Variants in SREK1IP1 observed in about 807,000 individuals in gnomAD.
The protein encoded by SREK1IP1 is protein SREK1IP1.
A neutral mutation model predicts 22.8 loss-of-function variants in SREK1IP1; 12 were observed. The ratio of observed to expected loss-of-function variants is 0.53; its 90% CI spans 0.34 to 0.85. The LOEUF is 0.85. Among genes scored for constraint, SREK1IP1 ranks in the 40% least tolerant of loss-of-function variants. The pLI, the probability that SREK1IP1 is intolerant of heterozygous loss-of-function variation, is 0.02. For synonymous variants in SREK1IP1, 53 were observed against 52.7 expected (o/e 1.01, Z -0.02); for missense variants, 147 against 171.8 (o/e 0.86, Z 0.81).
chr5:64,736,862 G>C (rs1273040074), intron 3 of SREK1IP1, among the ~76,000 whole-genome samples: 1 of 150,766 alleles, frequency 6.6e-6, no homozygotes, highest in Non-Finnish European at 1.5e-5. Flanking sequence ...AAATCTACTT[G>C]GTCTGACATT....
chr5:64,724,323 G>T lies in SREK1IP1; in HGVS notation c.*61C>A. ...AGCATAATATATAGCAAATTCCAAG[G>T]AAGGGCAAACACGTTTTAAAAACAA... On this transcript the variant is annotated 3_prime_UTR_variant, in exon 5 of 5. Coordinates refer to ENST00000513458, the MANE Select transcript of SREK1IP1 (RefSeq NM_173829.4). 1 of 1,405,478 alleles carries T rather than the reference G, an allele frequency of 7.1e-7. No homozygotes were observed. Among genetic ancestry groups the T allele is most frequent in the Non-Finnish European group, 9.6e-7 (1 of 1,046,356 alleles). The allele number at this position is 1,405,478 out of a possible 1,614,324, so 87.1% of individuals were successfully genotyped here. A position where few individuals can be genotyped will look rare whatever the true frequency, so the allele number is the denominator to read the frequency against.
chr5:64,766,368 T>C (rs1465189129), intron 1 of SREK1IP1, among the ~76,000 whole-genome samples: 1 of 152,036 alleles, frequency 6.6e-6, no homozygotes, highest in African/African-American at 2.4e-5. Context: ...TAAACCTCAT[T>C]TCCTCTTTTA....
At chr5:64,741,827 T>C (rs1020671812) in intron 2 of SREK1IP1, among the ~76,000 whole-genome samples, 1 of 152,094 alleles carries the variant, frequency 6.6e-6, no homozygotes, top group African/African-American at 2.4e-5. Flanking sequence ...AAGAAAATAA[T>C]ATAACCAATA....
chr5:64,740,972 T>C, intron 3 of SREK1IP1, 85 bp downstream of exon 3: 1 of 1,237,012 alleles, frequency 8.1e-7, no homozygotes, highest in Non-Finnish European at 1.1e-6. Flanking sequence ...ATAAAAGAGA[T>C]CTTAGTAAGT....
chr5:64,735,235 A>G lies in SREK1IP1; in HGVS notation c.205+5822T>C, dbSNP rs1742442037. ...TATAAAACAAATGTATTCCTGAAAT[A>G]AAACCAACTTAGTCATATTATACTT... On this transcript the variant is annotated intron_variant, in intron 3 of 4. Transcript: ENST00000513458. Among the ~76,000 whole-genome samples the G allele has an allele frequency of 1.3e-5, 2 of 152,036 alleles. 1 individual carries two copies. Among genetic ancestry groups the G allele is most frequent in the South Asian group, 4.1e-4 (2 of 4,830 alleles).
At chr5:64,724,867 A>G (rs1742236434) in intron 4 of SREK1IP1, among the ~76,000 whole-genome samples, 1 of 152,164 alleles carries the variant, frequency 6.6e-6, no homozygotes, top group African/African-American at 2.4e-5. Context: ...TCATGCAGTC[A>G]TATCATTCAA....
At chr5:64,728,078 T>G (rs777992431) in intron 4 of SREK1IP1, 29 bp downstream of exon 4, 12 of 1,332,368 alleles carry the variant, frequency 9.0e-6, no homozygotes, top group Non-Finnish European at 9.7e-7. Flanking sequence ...AGGCCTGCTT[T>G]GTTTTTTAAA....
intron 1 of SREK1IP1, among the ~76,000 whole-genome samples, chr5:64,756,361 T>C (rs1187274175): frequency 6.6e-6 from 1 of 152,222 alleles, no homozygotes; most frequent in African/African-American, 2.4e-5. Context: ...TTCTACTTTC[T>C]GTCTCTATGA....
At position 64,728,159 on chromosome 5, in the gene SREK1IP1, T is replaced by G; in HGVS notation, c.226A>C (p.Lys76Gln). Reference protein sequence around the residue: ...QEKRINEEEEKKKEKSKEKIK... With the variant: ...QEKRINEEEEQKKEKSKEKIK... The stretch of plus-strand genomic sequence containing the variant: ...TTTTCTTTGCTTTTTTCTTTCTTCT[T>G]TTCCTCTTCTTCATTTATTCCTGTG... The change falls in exon 4 of 5, where the codon AAG (lysine) becomes CAG (glutamine). Residue 76 changes from lysine to glutamine, a missense_variant. Physicochemically the swap from Lys to Gln is moderately conservative, Grantham distance 53. Around this residue, in one of 3 missense-constraint regions of SREK1IP1, gnomAD observed 82 missense variants for 81.7 expected, o/e 1.00. Transcript: ENST00000513458. 1.4e-6 allele frequency: 2 copies of G among 1,461,742 alleles called. No homozygotes were observed. Among genetic ancestry groups the G allele is most frequent in the Non-Finnish European group, 1.8e-6 (2 of 1,101,734 alleles). 90.5% of individuals were successfully genotyped at this position (1,461,742 alleles called of 1,614,324 possible).
At chr5:64,765,466 C>T (rs1411611796) in intron 1 of SREK1IP1, among the ~76,000 whole-genome samples, 1 of 152,154 alleles carries the variant, frequency 6.6e-6, no homozygotes, top group Non-Finnish European at 1.5e-5. Context: ...ACTTGTCCTC[C>T]TTGATGATAA....
chr5:64,739,983 G>A (rs1479273825), intron 3 of SREK1IP1, among the ~76,000 whole-genome samples: 1 of 152,002 alleles, frequency 6.6e-6, no homozygotes, highest in Non-Finnish European at 1.5e-5. Flanking sequence ...CTCATTCCTT[G>A]TCTAAGATTA....
chr5:64,750,996 T>C (rs978321548), intron 2 of SREK1IP1, among the ~76,000 whole-genome samples: 1 of 152,192 alleles, frequency 6.6e-6, no homozygotes, highest in African/African-American at 2.4e-5. Flanking sequence ...TTCTTGAAAA[T>C]GGAGACTACA....
chr5:64,756,344 G>A (rs571126015), intron 1 of SREK1IP1, among the ~76,000 whole-genome samples: 115 of 152,194 alleles, frequency 7.6e-4, no homozygotes, highest in South Asian at 1.2e-3. Flanking sequence ...GCCCCTAGTA[G>A]TCTCTATTCT....
intron 1 of SREK1IP1, among the ~76,000 whole-genome samples, chr5:64,757,861 CTT>C (rs59456636): frequency 0.029 from 2,082 of 72,548 alleles, 14 homozygotes; most frequent in African/African-American, 0.09. Context: ...AGGTTCCTAT[CTT>C]TTTTTTTTTT....
chr5:64,736,731 G>C (rs1742468126), intron 3 of SREK1IP1, among the ~76,000 whole-genome samples: 1 of 152,010 alleles, frequency 6.6e-6, no homozygotes, highest in Non-Finnish European at 1.5e-5. Flanking sequence ...CCAAAATGCT[G>C]GGATTATAGG....
intron 2 of SREK1IP1, among the ~76,000 whole-genome samples, chr5:64,749,148 A>G (rs1742699685): frequency 6.6e-6 from 1 of 150,556 alleles, no homozygotes; most frequent in Non-Finnish European, 1.5e-5. Flanking sequence ...CTGTACAGAT[A>G]AAAATCTGTC....
rs948692855 is a variant in SREK1IP1 at position 64,722,316 on chromosome 5, C to T, written c.*2068G>A. The stretch of plus-strand genomic sequence containing the variant: ...CATTATTGTGTCACCATTCAGAAAC[C>T]TAATGAGCCAATTTATAATCTCTAC... On this transcript the variant is annotated 3_prime_UTR_variant, in exon 5 of 5. Transcript: ENST00000513458. The T allele has an allele frequency of 6.6e-6, 1 of 152,082 alleles. No individual in the cohort carries two copies. Among genetic ancestry groups the T allele is most frequent in the Non-Finnish European group, 1.5e-5 (1 of 68,022 alleles). 9.4% of individuals were successfully genotyped at this position (152,082 alleles called of 1,614,324 possible).
At chr5:64,741,276 T>C in intron 2 of SREK1IP1, 76 bp from the exon 3 acceptor site, 1 of 1,343,382 alleles carries the variant, frequency 7.4e-7, no homozygotes, top group East Asian at 2.5e-5. Flanking sequence ...TTTTGCTGCC[T>C]CACGGTAACC....
intron 2 of SREK1IP1, among the ~76,000 whole-genome samples, chr5:64,752,146 G>A (rs12054911): frequency 1.6e-5 from 1 of 61,058 alleles, no homozygotes. Flanking sequence ...TTTTTTGTGT[G>A]TTTTTTTTTT....
Sources: gnomAD v4.1 joint callset for allele counts (sites outside exome capture counted in the v4.1 genomes callset) on GRCh38, gnomAD v4.1.1 for gene constraint, gnomAD v4.1.1 regional missense constraint, MANE v1.5 for transcripts, NCBI Gene and HGNC (gene_info 2026-07-23, HGNC 2026-07-21) for gene names.